SLC24A2: variants seen among roughly 807,000 people sequenced by gnomAD.
SLC24A2 encodes the protein solute carrier family 24 member 2.
In SLC24A2, 36 loss-of-function variants were observed where a neutral mutation model predicts 62.0. The observed-to-expected ratio is 0.58, with a 90% CI of 0.44 to 0.77. SLC24A2 has a LOEUF of 0.77. Ranked by LOEUF, SLC24A2 falls within the 30% of genes least tolerant of loss-of-function variation. The probability of loss-of-function intolerance (pLI) is 0.00; values close to 1 mark genes in which losing one functional copy is unlikely to be tolerated. For missense variants in SLC24A2, 846 were observed against 817.9 expected (o/e 1.03, Z -0.42); for synonymous variants, 358 against 294.0 (o/e 1.22, Z -2.23).
At chr9:20,059,252 A>G in the SLC24A2 span, among the ~76,000 whole-genome samples, 2 of 152,148 alleles carry the variant, frequency 1.3e-5, no homozygotes, top group Non-Finnish European at 2.9e-5. Context: ...TTTAGAGAGA[A>G]GATCAGCAAG....
chr9:19,968,327 T>C, the SLC24A2 span, among the ~76,000 whole-genome samples: 5 of 152,178 alleles, frequency 3.3e-5, no homozygotes, highest in South Asian at 2.1e-4. Context: ...TTAACCTACA[T>C]CCTTGGAGCA....
chr9:19,892,829 T>C, the SLC24A2 span, among the ~76,000 whole-genome samples: 1 of 152,078 alleles, frequency 6.6e-6, no homozygotes, highest in Non-Finnish European at 1.5e-5. Context: ...ACATCAGGGG[T>C]TAGAACCCAG....
chr9:19,667,745 G>A (rs1819297744), intron 2 of SLC24A2, among the ~76,000 whole-genome samples: 1 of 152,176 alleles, frequency 6.6e-6, no homozygotes, highest in South Asian at 2.1e-4. Context: ...TTATATTTAA[G>A]TACTCCTTGC....
chr9:19,528,188 C>T, intron 8 of SLC24A2, 50 bp from the exon 9 acceptor site: 1 of 1,230,348 alleles, frequency 8.1e-7, no homozygotes, highest in Non-Finnish European at 1.2e-6. Flanking sequence ...TCCATTGAGA[C>T]TGATCTGGAA....
the SLC24A2 span, among the ~76,000 whole-genome samples, chr9:20,236,339 GA>G: frequency 0.013 from 2,053 of 152,298 alleles, 20 homozygotes; most frequent in Middle Eastern, 0.024. Context: ...CTGAGTGGGG[GA>G]AAGGTAAATC....
At chr9:20,189,022 T>TAAAC in the SLC24A2 span, among the ~76,000 whole-genome samples, 1 of 152,028 alleles carries the variant, frequency 6.6e-6, no homozygotes, top group African/African-American at 2.4e-5. Context: ...TTACCCAAGC[T>TAAAC]AAACTCCCAC....
intron 7 of SLC24A2, among the ~76,000 whole-genome samples, chr9:19,555,568 A>G (rs1035617298): frequency 3.9e-5 from 6 of 152,216 alleles, no homozygotes; most frequent in African/African-American, 1.4e-4. Flanking sequence ...GAATCTTGTG[A>G]AAAAAGGTGA....
In SLC24A2 at chr9:19,594,367, T is replaced by C. The variant is rs188470070; in HGVS notation, c.1129+2862A>G. Among the ~76,000 whole-genome samples, 31 of 152,336 alleles carry C rather than the reference T, an allele frequency of 2.0e-4. 1 individual carries two copies. The highest frequency in any genetic ancestry group is 7.5e-4 in the African/African-American group (31 of 41,580). ...GCTTAAAAATAATAAGCTGAATATA[T>C]GTAGCACAATTCTCTATATTTAGAA... is the stretch of plus-strand genomic sequence containing the variant. On this transcript the variant is annotated intron_variant, in intron 5 of 10. Transcript: ENST00000341998.
intron 5 of SLC24A2, among the ~76,000 whole-genome samples, chr9:19,592,617 G>A (rs1836592047): frequency 6.6e-6 from 1 of 151,932 alleles, no homozygotes; most frequent in South Asian, 2.1e-4. Context: ...TCTATATACT[G>A]CCATTGGTGG....
intron 2 of SLC24A2, among the ~76,000 whole-genome samples, chr9:19,733,958 G>A (rs1049996095): frequency 5.3e-5 from 8 of 152,160 alleles, no homozygotes; most frequent in African/African-American, 1.9e-4. Flanking sequence ...ATAAGGGAAT[G>A]GAAAAGAAAG....
the SLC24A2 span, among the ~76,000 whole-genome samples, chr9:19,895,546 CTT>C: frequency 4.7e-3 from 634 of 135,316 alleles, 7 homozygotes; most frequent in African/African-American, 0.016. Context: ...TTCTTTCTTT[CTT>C]TTTTTTTTTT....
At chr9:20,127,987 C>A in the SLC24A2 span, among the ~76,000 whole-genome samples, 1 of 152,012 alleles carries the variant, frequency 6.6e-6, no homozygotes, top group African/African-American at 2.4e-5. Context: ...CCAATGCCTA[C>A]TACGTAGTAG....
At chr9:20,197,468 G>A in the SLC24A2 span, among the ~76,000 whole-genome samples, 1 of 104,934 alleles carries the variant, frequency 9.5e-6, no homozygotes, top group Non-Finnish European at 1.7e-5. Flanking sequence ...GTCTCACTCT[G>A]TTACCCAGGC....
At chr9:19,943,382 G>C in the SLC24A2 span, among the ~76,000 whole-genome samples, 1,676 of 152,138 alleles carry the variant, frequency 0.011, 26 homozygotes, top group African/African-American at 0.038. Context: ...CTATTCTAGC[G>C]ATCTTTCATA....
At chr9:19,723,624 G>A (rs1040248479) in intron 2 of SLC24A2, among the ~76,000 whole-genome samples, 4 of 151,926 alleles carry the variant, frequency 2.6e-5, no homozygotes, top group African/African-American at 9.7e-5. Flanking sequence ...GAAATATCGG[G>A]GCTATTACCT....
chr9:19,951,058 G>A, the SLC24A2 span, among the ~76,000 whole-genome samples: 1 of 152,190 alleles, frequency 6.6e-6, no homozygotes, highest in African/African-American at 2.4e-5. Flanking sequence ...CATTGCTGAA[G>A]AGCAGGTAAG....
At chr9:20,065,520 G>T in the SLC24A2 span, among the ~76,000 whole-genome samples, 408 of 152,310 alleles carry the variant, frequency 2.7e-3, 1 homozygote, top group African/African-American at 9.5e-3. Flanking sequence ...CACATGACAA[G>T]CACTATTAGG....
Position 19,516,013 on chromosome 9 carries a change from C to G in SLC24A2, c.*140G>C. ...GTGAATGGGCCCAGTGTGAATCCAT[C>G]TCTCCTCAAATTCACCAAGGAGGGA... On this transcript the variant is annotated 3_prime_UTR_variant, in exon 11 of 11. Coordinates refer to ENST00000341998, the MANE Select transcript of SLC24A2 (RefSeq NM_020344.4). 3 of 1,038,876 alleles carry G rather than the reference C, an allele frequency of 2.9e-6. No individual in the cohort carries two copies. The highest frequency in any genetic ancestry group is 4.5e-6 in the Non-Finnish European group (3 of 663,604). The allele number at this position is 1,038,876 out of a possible 1,614,324, so 64.4% of individuals were successfully genotyped here. A position where few individuals can be genotyped will look rare whatever the true frequency, so the allele number is the denominator to read the frequency against.
chr9:19,969,274 T>C, the SLC24A2 span, among the ~76,000 whole-genome samples: 1 of 151,286 alleles, frequency 6.6e-6, no homozygotes, highest in Admixed American at 6.6e-5. Flanking sequence ...TCCTTTTTCA[T>C]CTCTTCTGTC....
Sources: gnomAD v4.1 joint callset for allele counts (sites outside exome capture counted in the v4.1 genomes callset) on GRCh38, gnomAD v4.1.1 for gene constraint, MANE v1.5 for transcripts, NCBI Gene and HGNC (gene_info 2026-07-23, HGNC 2026-07-21) for gene names.